The following INPP4B variants were observed in gnomAD, a reference collection of about 807,000 sequenced individuals.
INPP4B encodes the protein inositol polyphosphate 4-phosphatase type II.
Under a neutral mutation model 122.5 loss-of-function variants are expected in INPP4B, and 55 were observed. The ratio of observed to expected loss-of-function variants is 0.45; its 90% CI spans 0.36 to 0.56. INPP4B has a LOEUF of 0.56. Among genes scored for constraint, INPP4B ranks in the 20% least tolerant of loss-of-function variants. The probability of loss-of-function intolerance (pLI) is 0.00; values close to 1 mark genes in which losing one functional copy is unlikely to be tolerated. For synonymous variants in INPP4B, 403 were observed against 388.7 expected, an observed-to-expected ratio of 1.04 and a Z score of -0.43; for missense variants, 1,000 against 1,097.7, an observed-to-expected ratio of 0.91 and a Z score of 1.26.
chr4:142,239,869 T>C (rs1858426604), intron 11 of INPP4B, among the ~76,000 whole-genome samples: 1 of 152,094 alleles, frequency 6.6e-6, no homozygotes, highest in Non-Finnish European at 1.5e-5. Flanking sequence ...TAAGTGCTAT[T>C]TTTCAACCTC....
chr4:142,671,921 C>T (rs770660341), intron 2 of INPP4B, among the ~76,000 whole-genome samples: 7 of 152,136 alleles, frequency 4.6e-5, no homozygotes, highest in Non-Finnish European at 7.4e-5. Context: ...AGGTCAACTC[C>T]TACTCTATTC....
At chr4:142,803,467 C>T (rs950135528) in intron 1 of INPP4B, among the ~76,000 whole-genome samples, 2 of 149,332 alleles carry the variant, frequency 1.3e-5, no homozygotes, top group East Asian at 3.9e-4. Flanking sequence ...TCCACAAAGA[C>T]ACAAAGACTC....
intron 25 of INPP4B, among the ~76,000 whole-genome samples, chr4:142,079,512 G>A (rs995939759): frequency 6.6e-6 from 1 of 152,052 alleles, no homozygotes; most frequent in Non-Finnish European, 1.5e-5. Flanking sequence ...TCAGCATTAA[G>A]CAGTAACTTG....
chr4:142,069,431 G>A (rs1209931750), intron 25 of INPP4B, among the ~76,000 whole-genome samples: 1 of 152,112 alleles, frequency 6.6e-6, no homozygotes, highest in Non-Finnish European at 1.5e-5. Flanking sequence ...AACTTGAGAA[G>A]CAAGAGCAAA....
intron 3 of INPP4B, among the ~76,000 whole-genome samples, chr4:142,452,070 C>T (rs990303577): frequency 6.6e-6 from 1 of 152,158 alleles, no homozygotes; most frequent in African/African-American, 2.4e-5. Flanking sequence ...CACCTGCCGA[C>T]AGGCCTCTGT....
chr4:142,124,833 C>T (rs1798028428), intron 18 of INPP4B, 73 bp from the exon 19 acceptor site: 1 of 1,129,904 alleles, frequency 8.9e-7, no homozygotes, highest in African/African-American at 1.6e-5. Flanking sequence ...AACCAACTTC[C>T]AACTTATTTT....
At chr4:142,176,464 T>G (rs527685784) in intron 15 of INPP4B, among the ~76,000 whole-genome samples, 98 of 152,108 alleles carry the variant, frequency 6.4e-4, no homozygotes, top group African/African-American at 2.3e-3. Flanking sequence ...TTCTTTACTA[T>G]TATTCTTTCC....
rs1237544840 is a variant in INPP4B at position 142,054,923 on chromosome 4, G to A, written c.2643-26009C>T. Among the ~76,000 whole-genome samples the A allele has an allele frequency of 2.6e-5, 4 of 151,990 alleles. No individual in the cohort carries two copies. The East Asian group carries it at 7.7e-4, about 29-fold the overall frequency. On this transcript the variant is annotated intron_variant, in intron 25 of 25. Transcript: ENST00000262992. ...TGATGTGTTCCACTCAGCTTGCATG[G>A]CTGCTTTAAAATCAGTCAATTTCAA... is the stretch of plus-strand genomic sequence containing the variant.
chr4:142,841,087 T>C (rs1185349026), intron 1 of INPP4B, among the ~76,000 whole-genome samples: 1 of 152,084 alleles, frequency 6.6e-6, no homozygotes, highest in East Asian at 1.9e-4. Context: ...ATTATGCAGC[T>C]ATTCTCTTAT....
At chr4:142,191,270 C>T (rs780851792) in intron 15 of INPP4B, among the ~76,000 whole-genome samples, 23 of 152,074 alleles carry the variant, frequency 1.5e-4, no homozygotes, top group Non-Finnish European at 2.6e-4. Context: ...AAACTGGGTG[C>T]CACAGAATTT....
intron 2 of INPP4B, among the ~76,000 whole-genome samples, chr4:142,482,456 T>G (rs571319102): frequency 6.6e-6 from 1 of 152,288 alleles, no homozygotes; most frequent in South Asian, 2.1e-4. Flanking sequence ...CTGATTCCCA[T>G]GCCTACTAAT....
chr4:142,585,034 C>A (rs77575836), intron 2 of INPP4B, among the ~76,000 whole-genome samples: 1 of 152,100 alleles, frequency 6.6e-6, no homozygotes, highest in African/African-American at 2.4e-5. Flanking sequence ...TCCTGGACCC[C>A]TTTGACACAC....
intron 2 of INPP4B, among the ~76,000 whole-genome samples, chr4:142,690,348 A>C (rs1222864282): frequency 4.6e-5 from 7 of 152,196 alleles, no homozygotes; most frequent in Admixed American, 3.9e-4. Flanking sequence ...CGTAAAACAA[A>C]TAATACTAGA....
At chr4:142,328,746 G>GT (rs5862584) in intron 7 of INPP4B, among the ~76,000 whole-genome samples, 75,003 of 151,966 alleles carry the variant, frequency 0.49, 18,609 homozygotes, top group Non-Finnish European at 0.52. Flanking sequence ...AAATTTTGGA[G>GT]TTTTTCTTCT....
At chr4:142,671,650 T>G (rs552692691) in intron 2 of INPP4B, among the ~76,000 whole-genome samples, 101 of 152,272 alleles carry the variant, frequency 6.6e-4, no homozygotes, top group African/African-American at 2.4e-3. Flanking sequence ...GGGAAATTTG[T>G]GCATATCGCC....
At chr4:142,298,099 AAAACAAACAAAC>A (rs149202589) in intron 9 of INPP4B, among the ~76,000 whole-genome samples, 1 of 152,004 alleles carries the variant, frequency 6.6e-6, no homozygotes, top group Non-Finnish European at 1.5e-5. Flanking sequence ...CCTAAGGCAA[AAAACAAACAAAC>A]AAACAAACAA....
Position 142,024,494 on chromosome 4 carries a change from A to G in INPP4B, c.*4288T>C, listed in dbSNP as rs1736415770. The G allele has an allele frequency of 1.3e-5, 2 of 152,148 alleles. No homozygotes were observed. Among genetic ancestry groups the G allele is most frequent in the South Asian group, 2.1e-4 (1 of 4,828 alleles). The allele number at this position is 152,148 out of a possible 1,614,324, so 9.4% of individuals were successfully genotyped here. A position where few individuals can be genotyped will look rare whatever the true frequency, so the allele number is the denominator to read the frequency against. ...TGTAACTGATGATCACAGTTTTTTTAGACAAGTTTCCTAAATCTGTGATAA... is the reference window on the plus strand; with the variant it reads ...TGTAACTGATGATCACAGTTTTTTTGGACAAGTTTCCTAAATCTGTGATAA... On this transcript the variant is annotated 3_prime_UTR_variant, in exon 26 of 26. Transcript: ENST00000262992.
At chr4:142,098,629 T>C (rs976906072) in intron 23 of INPP4B, among the ~76,000 whole-genome samples, 1 of 152,072 alleles carries the variant, frequency 6.6e-6, no homozygotes, top group African/African-American at 2.4e-5. Context: ...TCTGATGGAC[T>C]GGAAAGGGGA....
chr4:142,092,704 G>T (rs1222456850), intron 23 of INPP4B, among the ~76,000 whole-genome samples: 2 of 152,168 alleles, frequency 1.3e-5, no homozygotes, highest in African/African-American at 2.4e-5. Context: ...GTTTAAGCTA[G>T]TTTGAATTAA....
Sources: allele counts gnomAD v4.1 joint callset (sites outside exome capture counted in the v4.1 genomes callset), GRCh38; gene constraint gnomAD v4.1.1; transcripts MANE v1.5; gene names NCBI Gene and HGNC (gene_info 2026-07-23, HGNC 2026-07-21).